GRAMD1C: variants seen among roughly 807,000 people sequenced by gnomAD.
GRAMD1C encodes the protein GRAM domain containing 1C.
GRAMD1C carries 89 observed loss-of-function variants against 97.8 expected under a neutral mutation model. The ratio of observed to expected loss-of-function variants is 0.91; its 90% CI spans 0.77 to 1.09. The LOEUF (loss-of-function observed/expected upper bound fraction) is 1.09, where lower values mean the gene tolerates loss of function less well. Ranked by LOEUF, GRAMD1C falls within the 50% of genes least tolerant of loss-of-function variation. The probability of loss-of-function intolerance (pLI) is 0.00; values close to 1 mark genes in which losing one functional copy is unlikely to be tolerated. For synonymous variants in GRAMD1C, 256 were observed against 267.0 expected, an observed-to-expected ratio of 0.96 and a Z score of 0.40; for missense variants, 740 against 766.4, an observed-to-expected ratio of 0.97 and a Z score of 0.41.
At chr3:113,920,767 A>G (rs981126921) in intron 10 of GRAMD1C, among the ~76,000 whole-genome samples, 4 of 151,926 alleles carry the variant, frequency 2.6e-5, no homozygotes, top group African/African-American at 9.7e-5. Flanking sequence ...GGTCTTGAAC[A>G]CCTGACCTCA....
chr3:113,932,094 T>C (rs1937452709), intron 11 of GRAMD1C, among the ~76,000 whole-genome samples: 1 of 152,210 alleles, frequency 6.6e-6, no homozygotes. Flanking sequence ...TAATGCTCTT[T>C]ATCTGTGACC....
At chr3:113,909,188 G>C (rs1936475132) in intron 9 of GRAMD1C, 68 bp downstream of exon 9, 1 of 726,216 alleles carries the variant, frequency 1.4e-6, no homozygotes, top group Non-Finnish European at 2.1e-6. Flanking sequence ...TTGTAATAGG[G>C]GTGTGCAGAT....
At chr3:113,937,974 C>T in intron 14 of GRAMD1C, 112 bp from the exon 15 acceptor site, 1 of 587,468 alleles carries the variant, frequency 1.7e-6, no homozygotes, top group Non-Finnish European at 2.9e-6. Flanking sequence ...CATTGCACTC[C>T]AGCCTGGGCA....
At chr3:113,855,179 C>T (rs986767556) in intron 2 of GRAMD1C, among the ~76,000 whole-genome samples, 1 of 152,084 alleles carries the variant, frequency 6.6e-6, no homozygotes, top group Non-Finnish European at 1.5e-5. Flanking sequence ...GGCATGGTGG[C>T]GCATGCCTGT....
intron 2 of GRAMD1C, among the ~76,000 whole-genome samples, chr3:113,849,808 T>C (rs1162860555): frequency 6.6e-6 from 1 of 152,108 alleles, no homozygotes; most frequent in Non-Finnish European, 1.5e-5. Context: ...AGCTGTTGGG[T>C]ACACCTCCCA....
chr3:113,870,556 T>C (rs1251988182), intron 3 of GRAMD1C, among the ~76,000 whole-genome samples: 1 of 152,164 alleles, frequency 6.6e-6, no homozygotes, highest in African/African-American at 2.4e-5. Flanking sequence ...ATTTATTGTA[T>C]ATTTCAAAAT....
chr3:113,891,961 T>C (rs1215976761), intron 6 of GRAMD1C, among the ~76,000 whole-genome samples: 1 of 151,946 alleles, frequency 6.6e-6, no homozygotes, highest in African/African-American at 2.4e-5. Flanking sequence ...GTGTTACTTC[T>C]GCTTGCTTCT....
At chr3:113,844,458 C>T (rs1164408838) in intron 1 of GRAMD1C, 45 bp from the exon 2 acceptor site, 3 of 1,342,686 alleles carry the variant, frequency 2.2e-6, no homozygotes, top group Non-Finnish European at 3.2e-6. Flanking sequence ...TTTAAAATGG[C>T]CATTTCTCAA....
At position 113,843,049 on chromosome 3, in the gene GRAMD1C, G is replaced by GTTTTTTT. The variant is rs71144092; in HGVS notation, c.28-1434_28-1428dup. Among the ~76,000 whole-genome samples the GTTTTTTT allele has an allele frequency of 2.1e-3, 111 of 53,426 alleles. 1 individual carries two copies. The highest frequency in any genetic ancestry group is 2.7e-3 in the Non-Finnish European group (76 of 28,642). 35.0% of individuals were successfully genotyped at this position (53,426 alleles called of 152,430 possible). The stretch of plus-strand genomic sequence containing the variant: ...TAAGGATCCTGGTCCACCATAAGCT[G>GTTTTTTT]TTTTTTTTTTTTTTTTTTTTTTTTT... On this transcript the variant is annotated intron_variant, in intron 1 of 17. Coordinates refer to ENST00000358160, the MANE Select transcript of GRAMD1C (RefSeq NM_017577.5).
intron 8 of GRAMD1C, among the ~76,000 whole-genome samples, chr3:113,908,367 C>A (rs1048858577): frequency 2.0e-5 from 3 of 152,154 alleles, no homozygotes; most frequent in African/African-American, 7.2e-5. Context: ...TAGATAGCAT[C>A]ATATATTAAA....
intron 9 of GRAMD1C, among the ~76,000 whole-genome samples, chr3:113,910,080 T>A (rs1420915371): frequency 6.6e-6 from 1 of 152,142 alleles, no homozygotes; most frequent in Admixed American, 6.6e-5. Flanking sequence ...ATATTCCATA[T>A]GGCATTAAAA....
intron 10 of GRAMD1C, among the ~76,000 whole-genome samples, chr3:113,925,386 G>A (rs1937197652): frequency 6.6e-6 from 1 of 152,178 alleles, no homozygotes; most frequent in Non-Finnish European, 1.5e-5. Context: ...CTACTCGGGA[G>A]GCTGAGACAG....
intron 13 of GRAMD1C, 90 bp downstream of exon 13, chr3:113,934,625 AC>A (rs1377687653): frequency 1.5e-6 from 1 of 661,576 alleles, no homozygotes; most frequent in Admixed American, 2.8e-5. Flanking sequence ...GTAACAGAAA[AC>A]TGGTCAATGA....
At position 113,869,517 on chromosome 3, in the gene GRAMD1C, C is replaced by T. The variant is rs759271869; in HGVS notation, c.185C>T (p.Ser62Phe). 1 of 1,476,970 alleles carries T rather than the reference C, an allele frequency of 6.8e-7. No homozygotes were observed. The highest frequency in any genetic ancestry group is 9.4e-7 in the Non-Finnish European group (1 of 1,066,290). The allele number at this position is 1,476,970 out of a possible 1,614,324, so 91.5% of individuals were successfully genotyped here. Residue 62 changes from serine (S) to phenylalanine (F), a missense_variant, in exon 3 of 18, where the codon TCC (serine) becomes TTC (phenylalanine). Physicochemically the swap from Ser to Phe is radical, Grantham distance 155. Transcript: ENST00000358160. ...SGDWSFWISS[S>F]TYKDRNEEYR... ...TTTTTATTGTTGCAGATTTCAAGTT[C>T]CACCTATAAAGACAGGAATGAGGAA...
intron 2 of GRAMD1C, among the ~76,000 whole-genome samples, chr3:113,849,950 G>A (rs1484466434): frequency 8.4e-4 from 106 of 126,512 alleles, no homozygotes; most frequent in Non-Finnish European, 1.4e-3. Flanking sequence ...CTCCCGGACG[G>A]GGCGGCTGAC....
intron 1 of GRAMD1C, among the ~76,000 whole-genome samples, chr3:113,833,642 C>T (rs1184600760): frequency 1.3e-5 from 2 of 152,170 alleles, no homozygotes; most frequent in South Asian, 2.1e-4. Context: ...ACCTCTGATA[C>T]TACGAATCAG....
chr3:113,932,864 CCCAA>C (rs1314427314), intron 11 of GRAMD1C, among the ~76,000 whole-genome samples: 1 of 147,092 alleles, frequency 6.8e-6, no homozygotes, highest in Non-Finnish European at 1.5e-5. Context: ...TGCCACCAAC[CCCAA>C]CTAATATTTT....
At chr3:113,928,416 TATG>T (rs1490758607) in intron 10 of GRAMD1C, among the ~76,000 whole-genome samples, 1 of 152,232 alleles carries the variant, frequency 6.6e-6, no homozygotes, top group Admixed American at 6.5e-5. Context: ...GCATGAATAG[TATG>T]ATAACATCCA....
At chr3:113,885,993 G>T in intron 6 of GRAMD1C, 1 of 1,498,928 alleles carries the variant, frequency 6.7e-7, no homozygotes. Context: ...CGTTCATTCT[G>T]TGCTGAGCCG....
Sources: allele counts gnomAD v4.1 joint callset (sites outside exome capture counted in the v4.1 genomes callset), GRCh38; gene constraint gnomAD v4.1.1; transcripts MANE v1.5; gene names NCBI Gene and HGNC (gene_info 2026-07-23, HGNC 2026-07-21).